Variants in SCLY observed in about 807,000 individuals in gnomAD.
SCLY encodes the protein selenocysteine lyase, also known as putative selenocysteine lyase.
A neutral mutation model predicts 50.1 loss-of-function variants in SCLY; 38 were observed. That is an observed-to-expected ratio of 0.76 (90% CI 0.59 to 0.99). The LOEUF (loss-of-function observed/expected upper bound fraction) is 0.99, where lower values mean the gene tolerates loss of function less well. Ranked by LOEUF, SCLY falls within the 50% of genes least tolerant of loss-of-function variation. The probability of loss-of-function intolerance (pLI) is 0.00; values close to 1 mark genes in which losing one functional copy is unlikely to be tolerated. For missense variants in SCLY, 600 were observed against 620.0 expected, an observed-to-expected ratio of 0.97 and a Z score of 0.34; for synonymous variants, 243 against 249.4, an observed-to-expected ratio of 0.97 and a Z score of 0.24.
At chr2:238,095,835 G>A (rs1362652676) in intron 10 of SCLY, 1 of 152,182 alleles carries the variant, frequency 6.6e-6, no homozygotes, top group Admixed American at 6.5e-5. Context: ...TGACCTTCTG[G>A]GTTCAAGTGA....
intron 4 of SCLY, among the ~76,000 whole-genome samples, chr2:238,070,366 A>G (rs1385185822): frequency 2.0e-5 from 3 of 152,200 alleles, no homozygotes; most frequent in Non-Finnish European, 4.4e-5. Flanking sequence ...TGGTTTGACT[A>G]TGAAGCCTTT....
In SCLY at chr2:238,096,827, G is replaced by A. The variant is rs1014601801; in HGVS notation, c.1135G>A (p.Val379Met). 1.9e-6 allele frequency: 3 copies of A among 1,612,316 alleles called. No individual in the cohort carries two copies. The highest frequency in any genetic ancestry group is 1.7e-5 in the Admixed American group (1 of 59,868). The change falls in exon 11 of 12, where the codon GTG becomes ATG. Residue 379 changes from valine (V) to methionine (M), a missense_variant. By Grantham distance (21) the Val-to-Met change is conservative (BLOSUM62 1). Transcript: ENST00000254663. ...QGHVVLAQCRVLMASVGAACH... is the reference protein window; with the variant it reads ...QGHVVLAQCRMLMASVGAACH... ...CCACGTGGTGCTTGCGCAGTGCCGA[G>A]TGCTGATGGCCAGTGTGGGGGCCGC...
intron 4 of SCLY, among the ~76,000 whole-genome samples, chr2:238,070,434 C>T (rs2065116830): frequency 6.6e-6 from 1 of 152,078 alleles, no homozygotes; most frequent in African/African-American, 2.4e-5. Context: ...AATCCTAGCA[C>T]TTTGGGAGGT....
In SCLY at chr2:238,081,718, T is replaced by C; in HGVS notation, c.494T>C (p.Phe165Ser). The change falls in exon 5 of 12, where the codon TTT becomes TCT. Residue 165 changes from phenylalanine (F) to serine (S), a missense_variant. Transcript: ENST00000254663. Reference protein sequence around the residue: ...LVEEQVAAVTFVPVSKVSGQA... With the variant: ...LVEEQVAAVTSVPVSKVSGQA... ...CATGTTTGTTTCCCAGCGGTCACCT[T>C]TGTCCCGGTGTCCAAGGTGAGCGGG... 1 of 1,614,108 alleles carries C rather than the reference T, an allele frequency of 6.2e-7. No individual in the cohort carries two copies. The highest frequency in any genetic ancestry group is 1.3e-5 in the African/African-American group (1 of 75,056).
At chr2:238,090,763 C>T (rs1441849648) in intron 7 of SCLY, among the ~76,000 whole-genome samples, 1 of 152,164 alleles carries the variant, frequency 6.6e-6, no homozygotes, top group African/African-American at 2.4e-5. Context: ...TTGCCCATCT[C>T]CTGTGTGTGT....
rs1272618204 is a variant in SCLY at position 238,081,750 on chromosome 2, G to A, written c.526G>A (p.Glu176Lys). 2 of 1,614,090 alleles carry A rather than the reference G, an allele frequency of 1.2e-6. No homozygotes were observed. The highest frequency in any genetic ancestry group is 1.7e-5 in the Admixed American group (1 of 60,002). The change falls in exon 5 of 12, where the codon GAG becomes AAG. Residue 176 changes from glutamate (E) to lysine (K), a missense_variant. Transcript: ENST00000254663. ...GGTGTCCAAGGTGAGCGGGCAGGCA[G>A]AGGTGGACGACATCCTCGCGGCAGT... ...VPVSKVSGQA[E>K]VDDILAAVRP...
intron 7 of SCLY, among the ~76,000 whole-genome samples, chr2:238,085,415 A>G (rs1279230047): frequency 1.3e-5 from 2 of 152,042 alleles, no homozygotes; most frequent in Non-Finnish European, 2.9e-5. Flanking sequence ...CAGACCACAG[A>G]GAAGAAATAG....
intron 4 of SCLY, chr2:238,080,332 T>C (rs2065222900): frequency 6.6e-6 from 1 of 152,286 alleles, no homozygotes; most frequent in African/African-American, 2.4e-5. Flanking sequence ...TGATCTAGAA[T>C]CAGTCATTTA....
intron 7 of SCLY, among the ~76,000 whole-genome samples, chr2:238,087,119 G>T (rs2592583): frequency 0.86 from 129,591 of 150,764 alleles, 55,839 homozygotes; most frequent in East Asian, 0.97. Flanking sequence ...GAGGCCAGGA[G>T]TTCAAGACCA....
Position 238,094,534 on chromosome 2 carries a change from T to A in SCLY, c.1108+12T>A. The A allele has an allele frequency of 6.2e-7, 1 of 1,605,082 alleles. No homozygotes were observed. Among genetic ancestry groups the A allele is most frequent in the Non-Finnish European group, 8.5e-7 (1 of 1,171,784 alleles). On this transcript the variant is annotated intron_variant, in intron 10 of 11. Transcript: ENST00000254663. ...ACCCCGGCTTCAAGGTGATGGCCCCTCACCCTGGTCTTTCCGAGTGTGAGC... is the reference window on the plus strand; with the variant it reads ...ACCCCGGCTTCAAGGTGATGGCCCCACACCCTGGTCTTTCCGAGTGTGAGC...
At position 238,087,549 on chromosome 2, in the gene SCLY, T is replaced by C. The variant is rs555320194; in HGVS notation, c.885-3669T>C. On this transcript the variant is annotated intron_variant, in intron 7 of 11. Transcript: ENST00000254663. ...AAGAGAAGTCTTCAGGCCCGGTGGT[T>C]TCATTAGAGAATTCTATCGAAGAAT... Among the ~76,000 whole-genome samples the C allele has an allele frequency of 4.1e-4, 63 of 152,290 alleles. 1 individual carries two copies. Among genetic ancestry groups the C allele is most frequent in the Non-Finnish European group, 1.6e-4 (11 of 68,016 alleles).
In SCLY at chr2:238,091,234, A is replaced by G. The variant is rs199772775; in HGVS notation, c.901A>G (p.Met301Val). The change falls in exon 8 of 12, where the codon ATG (methionine) becomes GTG (valine). Residue 301 changes from methionine (M) to valine (V), a missense_variant. By Grantham distance (21) the Met-to-Val change is conservative (BLOSUM62 1). Coordinates refer to ENST00000254663, the MANE Select transcript of SCLY (RefSeq NM_016510.7). ...NFRPGTENTP[M>V]IAGLGKAAEL... is the part of the protein sequence containing the mutation. Reference sequence around the variant, plus strand: ...TTCTTACAGGACAGAGAACACCCCAATGATTGCTGGCCTTGGGAAGGTGAG... The same window carrying G: ...TTCTTACAGGACAGAGAACACCCCAGTGATTGCTGGCCTTGGGAAGGTGAG... 1.6e-4 allele frequency: 259 copies of G among 1,613,532 alleles called. 2 individuals are homozygous for G. The highest frequency in any genetic ancestry group is 5.7e-4 in the South Asian group (52 of 91,062).
intron 6 of SCLY, among the ~76,000 whole-genome samples, chr2:238,082,414 G>A (rs2106446980): frequency 6.6e-6 from 1 of 152,342 alleles, no homozygotes; most frequent in Non-Finnish European, 1.5e-5. Flanking sequence ...TGGCAGGGAT[G>A]ATGGGGGGGG....
intron 9 of SCLY, 105 bp from the exon 10 acceptor site, chr2:238,094,315 T>C: frequency 1.1e-6 from 1 of 933,184 alleles, no homozygotes; most frequent in Non-Finnish European, 1.7e-6. Context: ...GATTGAAAAG[T>C]ATGCACCTGC....
chr2:238,086,708 T>TAAAAA (rs386393003), intron 7 of SCLY, among the ~76,000 whole-genome samples: 33,998 of 96,890 alleles, frequency 0.35, 7,050 homozygotes, highest in Non-Finnish European at 0.44. Flanking sequence ...CCTGTCTCTT[T>TAAAAA]AAAAAAAAAA....
intron 7 of SCLY, among the ~76,000 whole-genome samples, chr2:238,087,816 G>A (rs1183607460): frequency 6.6e-6 from 1 of 152,208 alleles, no homozygotes; most frequent in Non-Finnish European, 1.5e-5. Flanking sequence ...ACTGCTGGGT[G>A]TGGTGGTTCA....
chr2:238,073,334 T>A (rs2065143947), intron 4 of SCLY, among the ~76,000 whole-genome samples: 1 of 152,220 alleles, frequency 6.6e-6, no homozygotes, highest in African/African-American at 2.4e-5. Flanking sequence ...TTTTGGCTAT[T>A]CTGCATCTGT....
chr2:238,064,434 A>G lies in SCLY; in HGVS notation c.167A>G (p.Glu56Gly), dbSNP rs2065049567. 1 of 1,610,426 alleles carries G rather than the reference A, an allele frequency of 6.2e-7. No individual in the cohort carries two copies. Among genetic ancestry groups the G allele is most frequent in the African/African-American group, 1.3e-5 (1 of 74,700 alleles). Residue 56 changes from glutamate to glycine, a missense_variant, in exon 2 of 12, where the codon GAA becomes GGA. Coordinates refer to ENST00000254663, the MANE Select transcript of SCLY (RefSeq NM_016510.7). ...CAGGCCATGACCAAGGCCATGTGGGAAGCCTGGGGAAATCCCAGCAGCCCG... is the reference window on the plus strand; with the variant it reads ...CAGGCCATGACCAAGGCCATGTGGGGAGCCTGGGGAAATCCCAGCAGCCCG... Reference protein sequence around the residue: ...VIQAMTKAMWEAWGNPSSPYS... With the variant: ...VIQAMTKAMWGAWGNPSSPYS...
intron 7 of SCLY, among the ~76,000 whole-genome samples, chr2:238,089,630 AT>A (rs544432437): frequency 0.041 from 5,422 of 132,132 alleles, 191 homozygotes; most frequent in African/African-American, 0.11. Context: ...TAAAACATTG[AT>A]TTTTTTTTTT....
Sources: allele counts gnomAD v4.1 joint callset (sites outside exome capture counted in the v4.1 genomes callset), GRCh38; gene constraint gnomAD v4.1.1; transcripts MANE v1.5; gene names NCBI Gene and HGNC (gene_info 2026-07-23, HGNC 2026-07-21).